NLK: variants seen among roughly 807,000 people sequenced by gnomAD.
NLK encodes the protein nemo like kinase.
A neutral mutation model predicts 59.0 loss-of-function variants in NLK; 11 were observed. The ratio of observed to expected loss-of-function variants is 0.19; its 90% CI spans 0.12 to 0.31. The LOEUF is 0.31. Among genes scored for constraint, NLK ranks in the 10% least tolerant of loss-of-function variants. The pLI is 1.00. For synonymous variants in NLK, 235 were observed against 235.9 expected (o/e 1.00, Z 0.03); for missense variants, 410 against 661.1 (o/e 0.62, Z 4.16).
intron 1 of NLK, among the ~76,000 whole-genome samples, chr17:28,120,235 G>T (rs62065058): frequency 7.2e-6 from 1 of 139,086 alleles, no homozygotes; most frequent in African/African-American, 2.7e-5. Flanking sequence ...TTTGGCTTGG[G>T]GTGTGTGTGT....
intron 1 of NLK, among the ~76,000 whole-genome samples, chr17:28,108,560 G>A (rs1044984131): frequency 6.6e-5 from 10 of 152,126 alleles, no homozygotes; most frequent in African/African-American, 2.4e-4. Context: ...GCATGTTACT[G>A]TATTTTAACA....
intron 1 of NLK, among the ~76,000 whole-genome samples, chr17:28,093,215 A>C (rs893243195): frequency 2.6e-5 from 4 of 152,188 alleles, no homozygotes; most frequent in Non-Finnish European, 4.4e-5. Context: ...AACAAAACAA[A>C]GGGCTTTCCT....
In NLK at chr17:28,129,580, T is replaced by TA. The variant is rs952869984; in HGVS notation, c.589-3031dup. On this transcript the variant is annotated intron_variant, in intron 2 of 10. Transcript: ENST00000407008. ...TTGTATACCTTATGCTACAACTCTATAAAAAAAAATAATAATGATATAGTC... is the reference window on the plus strand; with the variant it reads ...TTGTATACCTTATGCTACAACTCTATAAAAAAAAAATAATAATGATATAGTC... 2.8e-4 allele frequency among the ~76,000 whole-genome samples: 42 copies of TA among 151,160 alleles called. 1 individual carries two copies. In the East Asian group the frequency reaches 3.9e-3, roughly 14 times the overall value.
At chr17:28,135,348 G>A (rs1259630605) in intron 3 of NLK, among the ~76,000 whole-genome samples, 1 of 152,188 alleles carries the variant, frequency 6.6e-6, no homozygotes, top group Non-Finnish European at 1.5e-5. Context: ...CATAGGCATG[G>A]AGCACCCATG....
chr17:28,046,024 G>C (rs1474933457), intron 1 of NLK, among the ~76,000 whole-genome samples: 1 of 152,098 alleles, frequency 6.6e-6, no homozygotes, highest in Admixed American at 6.6e-5. Flanking sequence ...TATTCTTCTG[G>C]AATAGCATAT....
chr17:28,199,665 C>CA (rs1303411168), downstream of NLK, among the ~76,000 whole-genome samples: 1,934 of 33,430 alleles, frequency 0.058, 153 homozygotes, highest in African/African-American at 0.086. Flanking sequence ...GACTCTGTCT[C>CA]AAAAAAAAAA....
chr17:28,185,419 C>G (rs1208651262), intron 8 of NLK, among the ~76,000 whole-genome samples, 154 bp downstream of exon 8: 1 of 152,204 alleles, frequency 6.6e-6, no homozygotes, highest in Non-Finnish European at 1.5e-5. Context: ...GCACGCTCAT[C>G]ACACAGAAGT....
chr17:28,042,684 C>A lies in NLK; in HGVS notation c.-190C>A. 2.3e-6 allele frequency: 1 copy of A among 426,624 alleles called. No individual in the cohort carries two copies. Among genetic ancestry groups the A allele is most frequent in the East Asian group, 3.5e-5 (1 of 28,186 alleles). The allele number at this position is 426,624 out of a possible 1,614,324, so 26.4% of individuals were successfully genotyped here. On this transcript the variant is annotated 5_prime_UTR_variant, in exon 1 of 11. Coordinates refer to ENST00000407008, the MANE Select transcript of NLK (RefSeq NM_016231.5). Reference sequence around the variant, plus strand: ...TTTTTTCCCTTTTTTTTCCTTTTGGCAACCCACACCCTTCCACACACGCTC... The same window carrying A: ...TTTTTTCCCTTTTTTTTCCTTTTGGAAACCCACACCCTTCCACACACGCTC...
intron 1 of NLK, among the ~76,000 whole-genome samples, chr17:28,050,938 C>G (rs1224497273): frequency 6.6e-6 from 1 of 151,908 alleles, no homozygotes; most frequent in Non-Finnish European, 1.5e-5. Context: ...AATCTCATCT[C>G]CACTAAAAGT....
intron 7 of NLK, among the ~76,000 whole-genome samples, chr17:28,180,698 G>A (rs1259150700): frequency 1.3e-5 from 2 of 152,124 alleles, no homozygotes; most frequent in African/African-American, 2.4e-5. Context: ...AACTGTTTAT[G>A]GTGAGGCAAT....
chr17:28,114,866 G>A (rs1229115287), intron 1 of NLK, among the ~76,000 whole-genome samples: 4 of 152,248 alleles, frequency 2.6e-5, no homozygotes, highest in African/African-American at 9.6e-5. Flanking sequence ...TTTAAACAGA[G>A]TTTAATATGG....
chr17:28,203,272 C>T, the NLK span, among the ~76,000 whole-genome samples: 1 of 151,702 alleles, frequency 6.6e-6, no homozygotes, highest in Non-Finnish European at 1.5e-5. Context: ...TCCCACAGTA[C>T]TGGGATTACA....
chr17:28,127,170 A>G, intron 2 of NLK, among the ~76,000 whole-genome samples: 1 of 152,266 alleles, frequency 6.6e-6, no homozygotes. Flanking sequence ...TAAGTGAGTG[A>G]ATGAAAGTGA....
At chr17:28,123,157 C>T (rs528074359) in intron 2 of NLK, among the ~76,000 whole-genome samples, 29 of 152,282 alleles carry the variant, frequency 1.9e-4, no homozygotes, top group Non-Finnish European at 3.5e-4. Flanking sequence ...GTATGACATG[C>T]ACAAGCCCTA....
chr17:28,126,115 A>C (rs1943622633), intron 2 of NLK, among the ~76,000 whole-genome samples: 1 of 152,262 alleles, frequency 6.6e-6, no homozygotes, highest in South Asian at 2.1e-4. Flanking sequence ...AATAGTTGAA[A>C]TAATTTTCAA....
At chr17:28,192,241 CTTGTTAGAATTAAAA>C (rs1018009712) in intron 10 of NLK, 28 bp downstream of exon 10, 1 of 1,205,966 alleles carries the variant, frequency 8.3e-7, no homozygotes. Flanking sequence ...ATTCAACATT[CTTGTTAGAATTAAAA>C]GGATGCCAGT....
rs772499638 is a variant in NLK, at chr17:28,180,492, G to A, written c.1150-4687G>A. On this transcript the variant is annotated intron_variant, in intron 7 of 10. Coordinates refer to ENST00000407008, the MANE Select transcript of NLK (RefSeq NM_016231.5). ...TGAGTAGCAATGATGTTAGGAGGCA[G>A]GGGTGTGTGTACTGGTGCAGTTTAA... Among the ~76,000 whole-genome samples the A allele has an allele frequency of 9.1e-4, 139 of 152,176 alleles. 2 individuals carry two copies. The highest frequency in any genetic ancestry group is 2.1e-4 in the Non-Finnish European group (14 of 68,034).
intron 1 of NLK, among the ~76,000 whole-genome samples, chr17:28,099,982 A>G (rs1904850680): frequency 6.6e-6 from 1 of 152,178 alleles, no homozygotes; most frequent in South Asian, 2.1e-4. Context: ...TGGATGTACC[A>G]ACATTTATTT....
At chr17:28,055,101 T>TC (rs999151135) in intron 1 of NLK, among the ~76,000 whole-genome samples, 2 of 150,880 alleles carry the variant, frequency 1.3e-5, no homozygotes, top group African/African-American at 4.9e-5. Context: ...TTTTCTTTTT[T>TC]TTTTTTTTTT....
Sources: gnomAD v4.1 joint callset for allele counts (sites outside exome capture counted in the v4.1 genomes callset) on GRCh38, gnomAD v4.1.1 for gene constraint, MANE v1.5 for transcripts, NCBI Gene and HGNC (gene_info 2026-07-23, HGNC 2026-07-21) for gene names.